The following CTHRC1 variants were observed in gnomAD, a reference collection of about 807,000 sequenced individuals.
CTHRC1 encodes the protein collagen triple helix repeat containing 1, also known as collagen triple helix repeat-containing protein 1.
A neutral mutation model predicts 25.9 loss-of-function variants in CTHRC1; 21 were observed. That is an observed-to-expected ratio of 0.81 (90% CI 0.57 to 1.17). The LOEUF is 1.17. Ranked by LOEUF, CTHRC1 falls within the 50% of genes most tolerant of loss-of-function variation. CTHRC1 has a pLI of 0.00. For synonymous variants in CTHRC1, 109 were observed against 113.1 expected, an observed-to-expected ratio of 0.96 and a Z score of 0.23; for missense variants, 281 against 304.3, an observed-to-expected ratio of 0.92 and a Z score of 0.57.
At chr8:103,379,091 T>G (rs983525004) in intron 3 of CTHRC1, among the ~76,000 whole-genome samples, 5 of 152,198 alleles carry the variant, frequency 3.3e-5, no homozygotes, top group Non-Finnish European at 7.3e-5. Context: ...GCCTTATCCT[T>G]TAAAAGGGTG....
Position 103,382,889 on chromosome 8 carries a change from T to G in CTHRC1, c.*289T>G, listed in dbSNP as rs1815939177. 1 of 249,304 alleles carries G rather than the reference T, an allele frequency of 4.0e-6. No homozygotes were observed. Among genetic ancestry groups the G allele is most frequent in the South Asian group, 5.7e-5 (1 of 17,616 alleles). 15.4% of individuals were successfully genotyped at this position (249,304 alleles called of 1,614,324 possible). On this transcript the variant is annotated 3_prime_UTR_variant, in exon 4 of 4. Transcript: ENST00000330295. ...TGTGGTCTTTTGTTTTTTCTCTTAG[T>G]ATAGCATTTTTAAAAAAATATAAAA...
chr8:103,382,550 A>T lies in CTHRC1; in HGVS notation c.682A>T (p.Thr228Ser), dbSNP rs143595509. 162 of 1,613,490 alleles carry T rather than the reference A, an allele frequency of 1.0e-4. No individual in the cohort carries two copies. The highest frequency in any genetic ancestry group is 1.3e-4 in the Non-Finnish European group (159 of 1,179,602). ...AGATTACCCAAAAGGAGATGCTTCTACTGGATGGAATTCAGTTTCTCGCAT... is the reference window on the plus strand; with the variant it reads ...AGATTACCCAAAAGGAGATGCTTCTTCTGGATGGAATTCAGTTTCTCGCAT... The part of the protein sequence containing the change: ...CSDYPKGDAS[T>S]GWNSVSRIII... The change falls in exon 4 of 4, where the codon ACT (threonine) becomes TCT (serine). Residue 228 changes from threonine to serine, a missense_variant. By Grantham distance (58) the Thr-to-Ser change is moderately conservative (BLOSUM62 1). Coordinates refer to ENST00000330295, the MANE Select transcript of CTHRC1 (RefSeq NM_138455.4).
intron 3 of CTHRC1, among the ~76,000 whole-genome samples, chr8:103,380,784 G>A (rs182498000): frequency 1.1e-4 from 17 of 152,224 alleles, no homozygotes; most frequent in African/African-American, 4.1e-4. Context: ...GGCCATGGCT[G>A]TCAAGACCCT....
In CTHRC1 at chr8:103,378,174, GC is replaced by G. The variant is rs1292621448; in HGVS notation, c.521del (p.Ala174ValfsTer2). ...ATGTTCAGGACCTCTTCCCATTGAAGCTATAATTTATTTGGACCAAGGAAGC... is the reference window on the plus strand; with the variant it reads ...ATGTTCAGGACCTCTTCCCATTGAAGTATAATTTATTTGGACCAAGGAAGC... ...AECSGPLPIE[A>X]IIYLDQGSPE... On this transcript the variant is annotated frameshift_variant, in exon 3 of 4. Coordinates refer to ENST00000330295, the MANE Select transcript of CTHRC1 (RefSeq NM_138455.4). LOFTEE classifies it high-confidence loss of function. 6.2e-7 allele frequency: 1 copy of G among 1,614,106 alleles called. No homozygotes were observed. Among genetic ancestry groups the G allele is most frequent in the Admixed American group, 1.7e-5 (1 of 60,012 alleles).
chr8:103,375,202 T>C (rs1269678450), intron 1 of CTHRC1, among the ~76,000 whole-genome samples: 8 of 152,202 alleles, frequency 5.3e-5, no homozygotes, highest in Non-Finnish European at 1.2e-4. Context: ...TTATTGACTC[T>C]TAAGATTTTA....
In CTHRC1 at chr8:103,382,529, T is replaced by G; in HGVS notation, c.661T>G (p.Tyr221Asp). ...VAIWVGTCSD[Y>D]PKGDASTGWN... ...TATCTGGGTTGGTACTTGTTCAGAT[T>G]ACCCAAAAGGAGATGCTTCTACTGG... Residue 221 changes from tyrosine to aspartate, a missense_variant, in exon 4 of 4, where the codon TAC (tyrosine) becomes GAC (aspartate). Transcript: ENST00000330295. The G allele has an allele frequency of 6.2e-7, 1 of 1,613,336 alleles. No homozygotes were observed. Among genetic ancestry groups the G allele is most frequent in the Non-Finnish European group, 8.5e-7 (1 of 1,179,356 alleles).
chr8:103,371,936 T>C, intron 1 of CTHRC1, 130 bp downstream of exon 1: 1 of 889,082 alleles, frequency 1.1e-6, no homozygotes, highest in Non-Finnish European at 1.6e-6. Flanking sequence ...TGTGTCTTGC[T>C]GCGCCGGGGT....
chr8:103,377,955 C>A, intron 2 of CTHRC1, 72 bp from the exon 3 acceptor site: 3 of 1,261,536 alleles, frequency 2.4e-6, no homozygotes, highest in Non-Finnish European at 3.5e-6. Context: ...AAGTAAAATT[C>A]ACCAGTCTCA....
At position 103,371,684 on chromosome 8, in the gene CTHRC1, C is replaced by G. The variant is rs547221151; in HGVS notation, c.28C>G (p.Pro10Ala). MRPQGPAASPQRLRGLLLLL... is the reference protein window; with the variant it reads MRPQGPAASAQRLRGLLLLL... The stretch of plus-strand genomic sequence containing the variant: ...GCGACCCCAGGGCCCCGCCGCCTCC[C>G]CGCAGCGGCTCCGCGGCCTCCTGCT... Residue 10 changes from proline (P) to alanine (A), a missense_variant, in exon 1 of 4, where the codon CCG becomes GCG. Physicochemically the swap from Pro to Ala is conservative, Grantham distance 27. Transcript: ENST00000330295. The G allele has an allele frequency of 8.5e-6, 13 of 1,533,526 alleles. No homozygotes were observed. The highest frequency in any genetic ancestry group is 1.1e-5 in the Non-Finnish European group (12 of 1,141,234). 95.0% of individuals were successfully genotyped at this position (1,533,526 alleles called of 1,614,324 possible). A position where few individuals can be genotyped will look rare whatever the true frequency, so the allele number is the denominator to read the frequency against.
Position 103,372,701 on chromosome 8 carries a change from C to G in CTHRC1, c.150+895C>G, listed in dbSNP as rs1184263496. The G allele has an allele frequency of 3.2e-6, 5 of 1,550,226 alleles. No homozygotes were observed. The South Asian group carries it at 4.5e-5, about 14-fold the overall frequency. On this transcript the variant is annotated intron_variant, in intron 1 of 3. Transcript: ENST00000330295. ...TCCTTCCCTCTAAAAATCAACAAAC[C>G]CAGTGGAGGGCGGAGAGGTTCTCTG... is the stretch of plus-strand genomic sequence containing the variant.
chr8:103,371,585 C>T lies in CTHRC1; in HGVS notation c.-72C>T. ...GCGGCGGCCTCGGAGCGCGGCGGAG[C>T]CAGACGCTGACCACGTTCCTCTCCT... On this transcript the variant is annotated 5_prime_UTR_variant, in exon 1 of 4. Transcript: ENST00000330295. 2.0e-6 allele frequency: 3 copies of T among 1,488,386 alleles called. No homozygotes were observed. Among genetic ancestry groups the T allele is most frequent in the East Asian group, 2.7e-5 (1 of 36,862 alleles). 92.2% of individuals were successfully genotyped at this position (1,488,386 alleles called of 1,614,324 possible). A position where few individuals can be genotyped will look rare whatever the true frequency, so the allele number is the denominator to read the frequency against.
Position 103,372,385 on chromosome 8 carries a change from C to G in CTHRC1, c.150+579C>G, listed in dbSNP as rs1815723511. The G allele has an allele frequency of 2.9e-6, 4 of 1,376,536 alleles. No individual in the cohort carries two copies. In the East Asian group the frequency reaches 7.6e-5, roughly 26 times the overall value. The allele number at this position is 1,376,536 out of a possible 1,614,324, so 85.3% of individuals were successfully genotyped here. A position where few individuals can be genotyped will look rare whatever the true frequency, so the allele number is the denominator to read the frequency against. On this transcript the variant is annotated intron_variant, in intron 1 of 3. Transcript: ENST00000330295. ...GGGTCATCTTCCTAGGGAGTATGGGCTGCAATTTACTTTGTTGGACAACCA... is the reference window on the plus strand; with the variant it reads ...GGGTCATCTTCCTAGGGAGTATGGGGTGCAATTTACTTTGTTGGACAACCA...
intron 3 of CTHRC1, among the ~76,000 whole-genome samples, chr8:103,378,746 T>C (rs1815853743): frequency 6.6e-6 from 1 of 152,140 alleles, no homozygotes; most frequent in Non-Finnish European, 1.5e-5. Context: ...CTGGGCGTGG[T>C]AGCTCACACC....
At chr8:103,374,020 T>G (rs1815760548) in intron 1 of CTHRC1, among the ~76,000 whole-genome samples, 1 of 152,218 alleles carries the variant, frequency 6.6e-6, no homozygotes, top group Non-Finnish European at 1.5e-5. Context: ...ACTTTTAAAA[T>G]GCTTTACTTT....
Position 103,371,764 on chromosome 8 carries a change from G to C in CTHRC1, c.108G>C (p.Gly36=), listed in dbSNP as rs930023526. Reference sequence around the variant, plus strand: ...CGAGCGCCTCTGAGATCCCCAAGGGGAAGCAAAAGGCGCAGCTCCGGCAGA... The same window carrying C: ...CGAGCGCCTCTGAGATCCCCAAGGGCAAGCAAAAGGCGCAGCTCCGGCAGA... ...APSSASEIPK[G]KQKAQLRQRE... Residue 36 remains glycine, a synonymous_variant, in exon 1 of 4, where the codon GGG becomes GGC. Transcript: ENST00000330295. 1.3e-6 allele frequency: 2 copies of C among 1,534,760 alleles called. No individual in the cohort carries two copies. The highest frequency in any genetic ancestry group is 1.8e-6 in the Non-Finnish European group (2 of 1,140,586).
At position 103,378,167 on chromosome 8, in the gene CTHRC1, C is replaced by T; in HGVS notation, c.513C>T (p.Pro171=). ...GAGCTGAATGTTCAGGACCTCTTCC[C>T]ATTGAAGCTATAATTTATTTGGACC... ...FNGAECSGPL[P]IEAIIYLDQG... The change falls in exon 3 of 4, where the codon CCC becomes CCT. Residue 171 remains proline, a synonymous_variant. Transcript: ENST00000330295. 1 of 1,614,126 alleles carries T rather than the reference C, an allele frequency of 6.2e-7. No individual in the cohort carries two copies. The highest frequency in any genetic ancestry group is 2.2e-5 in the East Asian group (1 of 44,882).
Position 103,382,439 on chromosome 8 carries a change from T to C in CTHRC1, c.590-19T>C. On this transcript the variant is annotated intron_variant, in intron 3 of 3. Transcript: ENST00000330295. ...TCTTTGTTCTAAAGAAAGATGTAAC[T>C]TTCATCTTTGTCTTGCAGTGGAAGG... The C allele has an allele frequency of 1.9e-6, 3 of 1,613,534 alleles. No homozygotes were observed. The highest frequency in any genetic ancestry group is 2.5e-6 in the Non-Finnish European group (3 of 1,179,568).
chr8:103,372,433 A>G, intron 1 of CTHRC1: 1 of 1,510,356 alleles, frequency 6.6e-7, no homozygotes, highest in Non-Finnish European at 8.8e-7. Flanking sequence ...GGAATGGTTC[A>G]GAAGGTTTAA....
At chr8:103,380,487 A>G (rs556298581) in intron 3 of CTHRC1, among the ~76,000 whole-genome samples, 3 of 152,340 alleles carry the variant, frequency 2.0e-5, no homozygotes, top group East Asian at 1.9e-4. Flanking sequence ...TATAGTTAGC[A>G]TATCAGAGGA....
Sources: allele counts gnomAD v4.1 joint callset (sites outside exome capture counted in the v4.1 genomes callset), GRCh38; gene constraint gnomAD v4.1.1; transcripts MANE v1.5; gene names NCBI Gene and HGNC (gene_info 2026-07-23, HGNC 2026-07-21).